GRID2: variants seen among roughly 807,000 people sequenced by gnomAD.
GRID2 encodes the protein glutamate ionotropic receptor delta type subunit 2, also known as glutamate receptor ionotropic, delta-2.
In GRID2, 33 loss-of-function variants were observed where a neutral mutation model predicts 114.8. The observed-to-expected ratio is 0.29, with a 90% CI of 0.22 to 0.38. The LOEUF (loss-of-function observed/expected upper bound fraction) is 0.38. Ranked by LOEUF, GRID2 falls within the 10% of genes least tolerant of loss-of-function variation. The pLI, the probability that GRID2 is intolerant of heterozygous loss-of-function variation, is 1.00. For synonymous variants in GRID2, 505 were observed against 449.9 expected (o/e 1.12, Z -1.55); for missense variants, 1,184 against 1,257.7 (o/e 0.94, Z 0.89).
At chr4:92,513,387 A>C (rs1283989604) in intron 1 of GRID2, among the ~76,000 whole-genome samples, 1 of 151,846 alleles carries the variant, frequency 6.6e-6, no homozygotes, top group African/African-American at 2.4e-5. Flanking sequence ...CTCTATGCAC[A>C]TTGACAGGAG....
chr4:92,775,213 T>A (rs1266815128), intron 2 of GRID2, among the ~76,000 whole-genome samples: 3 of 152,166 alleles, frequency 2.0e-5, no homozygotes, highest in African/African-American at 7.2e-5. Context: ...TCTTAAAATT[T>A]AATGGGAAGT....
At chr4:93,675,410 G>A (rs73839794) in intron 14 of GRID2, among the ~76,000 whole-genome samples, 5 of 152,132 alleles carry the variant, frequency 3.3e-5, no homozygotes, top group South Asian at 2.1e-4. Flanking sequence ...TTTTCTATAA[G>A]TGTTTAATAA....
intron 13 of GRID2, among the ~76,000 whole-genome samples, chr4:93,615,333 G>T (rs1006910241): frequency 2.0e-5 from 3 of 152,098 alleles, no homozygotes; most frequent in African/African-American, 7.2e-5. Context: ...AAGCACTTTG[G>T]ATGTTATTAT....
chr4:93,103,251 C>A (rs1379522190), intron 3 of GRID2, among the ~76,000 whole-genome samples: 3 of 152,006 alleles, frequency 2.0e-5, no homozygotes, highest in Non-Finnish European at 4.4e-5. Flanking sequence ...GAGACTGCAT[C>A]GTAGCCTCCC....
chr4:92,468,196 G>A (rs1721851655), intron 1 of GRID2, among the ~76,000 whole-genome samples: 1 of 151,948 alleles, frequency 6.6e-6, no homozygotes, highest in African/African-American at 2.4e-5. Context: ...TTATTTTCAA[G>A]TGGTTATCAT....
chr4:93,805,229 G>A (rs1735007420), intron 1 of GRID2, among the ~76,000 whole-genome samples: 1 of 152,162 alleles, frequency 6.6e-6, no homozygotes, highest in Non-Finnish European at 1.5e-5. Context: ...TTAACTTCAT[G>A]TTGAAATGTT....
intron 4 of GRID2, among the ~76,000 whole-genome samples, chr4:93,159,538 T>A (rs952462053): frequency 6.6e-6 from 1 of 151,790 alleles, no homozygotes; most frequent in African/African-American, 2.4e-5. Context: ...ATCTCATTTA[T>A]CTTTTTTATA....
At chr4:93,450,970 T>A (rs1202165941) in intron 10 of GRID2, among the ~76,000 whole-genome samples, 1 of 151,992 alleles carries the variant, frequency 6.6e-6, no homozygotes, top group African/African-American at 2.4e-5. Context: ...CAGTCAATTT[T>A]CATATTGCCA....
rs62320420 is a variant in GRID2, at chr4:93,593,735, C to T, written c.2194-32534C>T. Among the ~76,000 whole-genome samples, 84 of 152,176 alleles carry T rather than the reference C, an allele frequency of 5.5e-4. 1 individual carries two copies. The highest frequency in any genetic ancestry group is 8.7e-4 in the Non-Finnish European group (59 of 67,990). On this transcript the variant is annotated intron_variant, in intron 13 of 15. Coordinates refer to ENST00000282020, the MANE Select transcript of GRID2 (RefSeq NM_001510.4). ...GTCTTTTCACATAGTCCCATATTTC[C>T]TGGAGGCTTTGCTCGTTTCTTTTTA...
At chr4:92,605,826 C>T (rs1729426683) in intron 2 of GRID2, among the ~76,000 whole-genome samples, 1 of 151,986 alleles carries the variant, frequency 6.6e-6, no homozygotes, top group Non-Finnish European at 1.5e-5. Context: ...AGTTTTTTAC[C>T]TAAATCAGCT....
At chr4:93,523,824 C>T (rs959012809) in intron 13 of GRID2, among the ~76,000 whole-genome samples, 4 of 152,062 alleles carry the variant, frequency 2.6e-5, no homozygotes, top group African/African-American at 9.7e-5. Context: ...GCATGCTAGA[C>T]TTAAGGATGA....
intron 12 of GRID2, among the ~76,000 whole-genome samples, chr4:93,499,263 T>C (rs1727866352): frequency 6.6e-6 from 1 of 151,890 alleles, no homozygotes. Flanking sequence ...TCTTTTCCCT[T>C]ACCTTAACTA....
At chr4:92,943,235 A>G (rs145578411) in intron 2 of GRID2, among the ~76,000 whole-genome samples, 2 of 152,170 alleles carry the variant, frequency 1.3e-5, no homozygotes, top group Admixed American at 6.5e-5. Flanking sequence ...GTCTTTTCAC[A>G]TAGGCCCATA....
chr4:92,451,658 A>G (rs1183091440), intron 1 of GRID2, among the ~76,000 whole-genome samples: 1 of 152,214 alleles, frequency 6.6e-6, no homozygotes, highest in African/African-American at 2.4e-5. Flanking sequence ...TTCACCAATG[A>G]TATGCATGAG....
intron 14 of GRID2, among the ~76,000 whole-genome samples, chr4:93,673,862 G>T (rs1403698261): frequency 6.6e-6 from 1 of 152,102 alleles, no homozygotes; most frequent in Admixed American, 6.5e-5. Context: ...CATTTGCTTG[G>T]TTAGTTACAT....
intron 2 of GRID2, among the ~76,000 whole-genome samples, chr4:92,989,297 A>ATAAT (rs1327916906): frequency 1.4e-4 from 18 of 126,604 alleles, no homozygotes; most frequent in African/African-American, 4.5e-4. Context: ...AAAAAAAAAA[A>ATAAT]AAAAATAATA....
chr4:92,669,506 C>T (rs1732949585), intron 2 of GRID2, among the ~76,000 whole-genome samples: 1 of 151,920 alleles, frequency 6.6e-6, no homozygotes, highest in Admixed American at 6.6e-5. Context: ...ATATCTCTGA[C>T]TTGCTGGGAA....
At chr4:93,055,778 T>C (rs938117572) in intron 2 of GRID2, among the ~76,000 whole-genome samples, 2 of 151,980 alleles carry the variant, frequency 1.3e-5, no homozygotes, top group African/African-American at 4.8e-5. Flanking sequence ...TTGGGTAGCA[T>C]GATCTTAGGA....
At chr4:93,285,606 T>C (rs1248100578) in intron 8 of GRID2, among the ~76,000 whole-genome samples, 1 of 152,048 alleles carries the variant, frequency 6.6e-6, no homozygotes, top group Non-Finnish European at 1.5e-5. Context: ...GTACTATTTT[T>C]ATAGAATATT....
Sources: allele counts gnomAD v4.1 joint callset (sites outside exome capture counted in the v4.1 genomes callset), GRCh38; gene constraint gnomAD v4.1.1; transcripts MANE v1.5; gene names NCBI Gene and HGNC (gene_info 2026-07-23, HGNC 2026-07-21).